TP53BP1: variants seen among roughly 807,000 people sequenced by gnomAD.
The protein encoded by TP53BP1 is tumor protein p53 binding protein 1.
TP53BP1 carries 61 observed loss-of-function variants against 200.8 expected under a neutral mutation model. The ratio of observed to expected loss-of-function variants is 0.30; its 90% CI spans 0.25 to 0.38. The LOEUF is 0.38. TP53BP1 is among the 10% of genes least tolerant of loss of function. The probability of loss-of-function intolerance (pLI) is 1.00; values close to 1 mark genes in which losing one functional copy is unlikely to be tolerated. For missense variants in TP53BP1, 2,144 were observed against 2,371.9 expected, an observed-to-expected ratio of 0.90 and a Z score of 2.00; for synonymous variants, 822 against 844.3, an observed-to-expected ratio of 0.97 and a Z score of 0.46.
intron 4 of TP53BP1, among the ~76,000 whole-genome samples, chr15:43,487,167 A>T (rs1222866909): frequency 1.3e-5 from 2 of 152,144 alleles, no homozygotes; most frequent in Non-Finnish European, 2.9e-5. Flanking sequence ...ATATGAAAAG[A>T]CATTTCCCTG....
At chr15:43,418,423 AC>A (rs1249985630) in intron 21 of TP53BP1, among the ~76,000 whole-genome samples, 1 of 151,338 alleles carries the variant, frequency 6.6e-6, no homozygotes, top group Non-Finnish European at 1.5e-5. Context: ...AAACACTTGA[AC>A]CCAGGAGGCA....
chr15:43,485,406 T>C (rs1313105873), intron 4 of TP53BP1, among the ~76,000 whole-genome samples: 1 of 151,304 alleles, frequency 6.6e-6, no homozygotes, highest in Non-Finnish European at 1.5e-5. Context: ...TGAAACCCCA[T>C]CTCCACTAAA....
At chr15:43,418,357 C>A (rs2045316585) in intron 21 of TP53BP1, among the ~76,000 whole-genome samples, 1 of 150,992 alleles carries the variant, frequency 6.6e-6, no homozygotes, top group African/African-American at 2.4e-5. Flanking sequence ...AAAAAATTAG[C>A]CAGGTGTGGT....
chr15:43,428,343 T>C (rs965556804), intron 17 of TP53BP1, among the ~76,000 whole-genome samples, 175 bp from the exon 18 acceptor site: 17 of 152,182 alleles, frequency 1.1e-4, no homozygotes, highest in African/African-American at 3.1e-4. Context: ...ATGAGTTATA[T>C]AGCCAGAGGC....
In TP53BP1 at chr15:43,428,065, G is replaced by A; in HGVS notation, c.3779C>T (p.Thr1260Ile). The change falls in exon 18 of 28, where the codon ACA becomes ATA. Residue 1260 changes from threonine to isoleucine, a missense_variant. This residue lies in a region of TP53BP1 where 1,700 missense variants were observed against 1,710.3 expected (regional missense o/e 0.99). Coordinates refer to ENST00000382044, the MANE Select transcript of TP53BP1 (RefSeq NM_001141980.3). ...TGTTCCATCCACATAATACACATCTGTAATGACACGAGTGACAAGTGTGCG... is the reference window on the plus strand; with the variant it reads ...TGTTCCATCCACATAATACACATCTATAATGACACGAGTGACAAGTGTGCG... ...EVRTLVTRVI[T>I]DVYYVDGTEV... is the part of the protein sequence containing the mutation. The A allele has an allele frequency of 6.2e-7, 1 of 1,612,762 alleles. No homozygotes were observed. Among genetic ancestry groups the A allele is most frequent in the Non-Finnish European group, 8.5e-7 (1 of 1,178,970 alleles).
At chr15:43,495,226 G>A (rs1172072709), upstream of TP53BP1, among the ~76,000 whole-genome samples, 2 of 151,956 alleles carry the variant, frequency 1.3e-5, no homozygotes. Context: ...ACCGCCAGGC[G>A]CAGTGGCTCA....
intron 4 of TP53BP1, among the ~76,000 whole-genome samples, chr15:43,482,822 T>A (rs1020709716): frequency 5.3e-5 from 8 of 151,612 alleles, no homozygotes; most frequent in Admixed American, 4.6e-4. Flanking sequence ...CCCAGCTACT[T>A]GGGAGGCTGA....
rs1320338938 is a variant in TP53BP1, at chr15:43,416,350, C to G, written c.4748G>C (p.Arg1583Thr). The change falls in exon 22 of 28, where the codon AGA (arginine) becomes ACA (threonine). Residue 1583 changes from arginine to threonine, a missense_variant. Physicochemically the swap from Arg to Thr is moderately conservative, Grantham distance 71. Coordinates refer to ENST00000382044, the MANE Select transcript of TP53BP1 (RefSeq NM_001141980.3). Reference sequence around the variant, plus strand: ...GACAGCCATTCGCTTATACCACTTTCTTTGGCCTTCTTTTTCAATGCTGTA... The same window carrying G: ...GACAGCCATTCGCTTATACCACTTTGTTTGGCCTTCTTTTTCAATGCTGTA... Reference protein sequence around the residue: ...LYYSIEKEGQRKWYKRMAVIL... With the variant: ...LYYSIEKEGQTKWYKRMAVIL... The G allele has an allele frequency of 6.2e-7, 1 of 1,614,196 alleles. No individual in the cohort carries two copies.
chr15:43,454,924 T>C (rs1273654285), intron 12 of TP53BP1, among the ~76,000 whole-genome samples: 1 of 151,960 alleles, frequency 6.6e-6, no homozygotes, highest in Non-Finnish European at 1.5e-5. Flanking sequence ...GGAGATGGGT[T>C]TCACCATGTT....
chr15:43,406,617 C>A lies in TP53BP1; in HGVS notation c.*766G>T, dbSNP rs1393410785. ...CCTTTACAGAAAAAAACCTTGTTGA[C>A]CCCTGCTTTAGAGAATGAGAAGCCA... On this transcript the variant is annotated 3_prime_UTR_variant, in exon 28 of 28. Transcript: ENST00000382044. 4.4e-6 allele frequency: 2 copies of A among 455,878 alleles called. No individual in the cohort carries two copies. The highest frequency in any genetic ancestry group is 8.8e-6 in the Non-Finnish European group (2 of 226,784). The allele number at this position is 455,878 out of a possible 1,614,324, so 28.2% of individuals were successfully genotyped here.
At chr15:43,427,135 ATC>A (rs1390148601) in intron 18 of TP53BP1, among the ~76,000 whole-genome samples, 5 of 152,164 alleles carry the variant, frequency 3.3e-5, no homozygotes, top group Non-Finnish European at 7.4e-5. Context: ...AATCTGTCTA[ATC>A]TCTCTCATTA....
chr15:43,409,519 GTT>G, intron 25 of TP53BP1, 126 bp downstream of exon 25: 1 of 530,680 alleles, frequency 1.9e-6, no homozygotes. Flanking sequence ...CATTTTGGCA[GTT>G]TCTCAGTTCC....
At chr15:43,490,797 C>T (rs1366777551) in intron 4 of TP53BP1, among the ~76,000 whole-genome samples, 1 of 152,200 alleles carries the variant, frequency 6.6e-6, no homozygotes, top group African/African-American at 2.4e-5. Flanking sequence ...CTTTGTCCAT[C>T]AATTTTCCCG....
chr15:43,494,637 G>A (rs974242058), upstream of TP53BP1, among the ~76,000 whole-genome samples: 3 of 152,156 alleles, frequency 2.0e-5, no homozygotes, highest in Admixed American at 1.3e-4. Flanking sequence ...GAACACCAGT[G>A]ACTAAACAAA....
intron 11 of TP53BP1, among the ~76,000 whole-genome samples, chr15:43,460,048 A>G (rs1359320606): frequency 6.6e-6 from 1 of 152,202 alleles, no homozygotes; most frequent in Non-Finnish European, 1.5e-5. Context: ...TGATGGTTAC[A>G]CAGCTGTATA....
chr15:43,496,715 C>T (rs546155679), upstream of TP53BP1, among the ~76,000 whole-genome samples: 2 of 151,712 alleles, frequency 1.3e-5, no homozygotes, highest in Non-Finnish European at 2.9e-5. Context: ...CCCCTGCCTC[C>T]TGGGTTCAAC....
chr15:43,404,704 T>A lies in TP53BP1; in HGVS notation c.*2679A>T. ...GAGGTGTGACCATCTTTAATAATTT[T>A]AATGGAGGTTATTTTCTAGTAGAAG... On this transcript the variant is annotated 3_prime_UTR_variant, in exon 28 of 28. Transcript: ENST00000382044. 1 of 793,388 alleles carries A rather than the reference T, an allele frequency of 1.3e-6. No homozygotes were observed. The highest frequency in any genetic ancestry group is 1.9e-6 in the Non-Finnish European group (1 of 517,918). The allele number at this position is 793,388 out of a possible 1,614,324, so 49.1% of individuals were successfully genotyped here. A position where few individuals can be genotyped will look rare whatever the true frequency, so the allele number is the denominator to read the frequency against.
chr15:43,429,701 G>A (rs1566928183), intron 17 of TP53BP1, among the ~76,000 whole-genome samples: 2 of 152,100 alleles, frequency 1.3e-5, no homozygotes, highest in African/African-American at 2.4e-5. Flanking sequence ...TAATATCAAA[G>A]GCATGAAACG....
intron 15 of TP53BP1, among the ~76,000 whole-genome samples, chr15:43,440,315 T>C (rs1481053192): frequency 6.6e-6 from 1 of 151,694 alleles, no homozygotes; most frequent in Non-Finnish European, 1.5e-5. Context: ...ATCGAGACCA[T>C]CCTGGCTAAC....
Sources: gnomAD v4.1 joint callset for allele counts (sites outside exome capture counted in the v4.1 genomes callset) on GRCh38, gnomAD v4.1.1 for gene constraint, gnomAD v4.1.1 regional missense constraint, MANE v1.5 for transcripts, NCBI Gene and HGNC (gene_info 2026-07-23, HGNC 2026-07-21) for gene names.